Variants in XRRA1 observed in about 807,000 individuals in gnomAD.
XRRA1 encodes the protein X-ray radiation resistance-associated protein 1.
In XRRA1, 69 loss-of-function variants were observed where a neutral mutation model predicts 80.2. The observed-to-expected ratio is 0.86, with a 90% confidence interval of 0.71 to 1.05. The LOEUF (loss-of-function observed/expected upper bound fraction) is 1.05. XRRA1 is among the 50% of genes least tolerant of loss of function. XRRA1 has a pLI of 0.00. For missense variants in XRRA1, 967 were observed against 976.4 expected (o/e 0.99, Z 0.13); for synonymous variants, 348 against 389.9 (o/e 0.89, Z 1.27).
chr11:74,924,507 T>C (rs1156441001), intron 7 of XRRA1, among the ~76,000 whole-genome samples: 3 of 149,982 alleles, frequency 2.0e-5, no homozygotes, highest in Non-Finnish European at 4.4e-5. Context: ...GTGTGTTTCA[T>C]GTGCAAATTA....
At chr11:74,930,593 C>T (rs1591520781) in intron 5 of XRRA1, among the ~76,000 whole-genome samples, 1 of 152,276 alleles carries the variant, frequency 6.6e-6, no homozygotes, top group East Asian at 1.9e-4. Flanking sequence ...CGGAATGACA[C>T]TCTGAAGACC....
intron 10 of XRRA1, among the ~76,000 whole-genome samples, chr11:74,873,311 G>A (rs1319585509): frequency 2.6e-5 from 4 of 152,134 alleles, no homozygotes; most frequent in Non-Finnish European, 5.9e-5. Context: ...GGAGAATGGA[G>A]ACTAGATCAG....
At chr11:74,855,688 CACA>C (rs1391909464) in intron 12 of XRRA1, among the ~76,000 whole-genome samples, 2 of 152,194 alleles carry the variant, frequency 1.3e-5, no homozygotes, top group African/African-American at 2.4e-5. Context: ...TTACTTTTGA[CACA>C]ACAATTTCTA....
intron 2 of XRRA1, among the ~76,000 whole-genome samples, chr11:74,942,750 T>C (rs957679244): frequency 6.6e-6 from 1 of 152,352 alleles, no homozygotes. Flanking sequence ...ACCTACTTCA[T>C]AGGGCTGTTT....
rs903045328 is a variant in XRRA1 at position 74,949,039 on chromosome 11, G to C, written c.-184C>G. The C allele has an allele frequency of 5.4e-5, 21 of 388,290 alleles. No individual in the cohort carries two copies. The highest frequency in any genetic ancestry group is 4.0e-4 in the African/African-American group (19 of 47,166). 24.1% of individuals were successfully genotyped at this position (388,290 alleles called of 1,614,324 possible). ...GATCTCGGAGCCGCTCCACTGCGGT[G>C]CCTGCCGCTATCTTCCCCACGCCTT... On this transcript the variant is annotated 5_prime_UTR_variant, in exon 1 of 19. Coordinates refer to ENST00000684022, the MANE Select transcript of XRRA1 (RefSeq NM_001378157.1).
At chr11:74,907,370 T>A (rs1256652056) in intron 8 of XRRA1, 97 bp from the exon 9 acceptor site, 5 of 1,510,108 alleles carry the variant, frequency 3.3e-6, no homozygotes, top group South Asian at 2.5e-5. Flanking sequence ...TTAGGAGGAC[T>A]AACCAGCTTA....
At chr11:74,902,869 T>C (rs1391293914) in intron 10 of XRRA1, among the ~76,000 whole-genome samples, 1 of 152,156 alleles carries the variant, frequency 6.6e-6, no homozygotes, top group Non-Finnish European at 1.5e-5. Flanking sequence ...ACAGGGGGAC[T>C]ATAGTCAATA....
chr11:74,852,410 C>T (rs901488925), intron 12 of XRRA1, among the ~76,000 whole-genome samples: 12 of 152,144 alleles, frequency 7.9e-5, no homozygotes, highest in African/African-American at 1.7e-4. Flanking sequence ...ATAATAAGAA[C>T]AAACACATTT....
chr11:74,888,803 G>T (rs955045639), intron 10 of XRRA1, among the ~76,000 whole-genome samples: 1 of 152,194 alleles, frequency 6.6e-6, no homozygotes, highest in Non-Finnish European at 1.5e-5. Flanking sequence ...GGAAGAAAGG[G>T]TATCAGTGAT....
chr11:74,859,319 G>A (rs370561028), intron 11 of XRRA1, 36 bp from the exon 12 acceptor site: 136 of 1,579,220 alleles, frequency 8.6e-5, no homozygotes, highest in Non-Finnish European at 1.0e-4. Flanking sequence ...CAAAGTGCCC[G>A]ATAATAAATA....
At chr11:74,865,694 T>C (rs559818353) in intron 10 of XRRA1, among the ~76,000 whole-genome samples, 104 of 152,300 alleles carry the variant, frequency 6.8e-4, no homozygotes, top group Non-Finnish European at 1.3e-3. Context: ...GATCCCAACA[T>C]GCCCCAGTCT....
intron 7 of XRRA1, 55 bp downstream of exon 7, chr11:74,927,336 T>G (rs1306298759): frequency 1.1e-6 from 1 of 901,158 alleles, no homozygotes; most frequent in African/African-American, 1.7e-5. Flanking sequence ...AGCTCTATGC[T>G]CATTCCTTAC....
chr11:74,932,773 A>G (rs1174435667), intron 5 of XRRA1, among the ~76,000 whole-genome samples: 1 of 152,210 alleles, frequency 6.6e-6, no homozygotes, highest in Non-Finnish European at 1.5e-5. Flanking sequence ...CAAGATGAAT[A>G]TATTTCTAAG....
chr11:74,927,545 T>C (rs1293028061), intron 6 of XRRA1, 57 bp from the exon 7 acceptor site: 9 of 1,179,652 alleles, frequency 7.6e-6, no homozygotes, highest in Non-Finnish European at 1.1e-5. Flanking sequence ...AAGAGAAAGA[T>C]ATTAATAATT....
intron 10 of XRRA1, among the ~76,000 whole-genome samples, chr11:74,892,539 G>C (rs2051053216): frequency 6.6e-6 from 1 of 152,124 alleles, no homozygotes; most frequent in Admixed American, 6.5e-5. Context: ...GGCAACAAAA[G>C]CCAAAATTGA....
intron 11 of XRRA1, among the ~76,000 whole-genome samples, chr11:74,861,222 A>G (rs979219252): frequency 3.0e-4 from 45 of 151,914 alleles, no homozygotes; most frequent in Admixed American, 2.9e-3. Context: ...GGGGTCCCCA[A>G]CCCTCGAGCC....
chr11:74,874,511 A>G (rs1260530597), intron 10 of XRRA1, among the ~76,000 whole-genome samples: 4 of 152,178 alleles, frequency 2.6e-5, no homozygotes, highest in African/African-American at 9.7e-5. Flanking sequence ...AAGAATGGCT[A>G]TCATGCCTCT....
intron 10 of XRRA1, among the ~76,000 whole-genome samples, chr11:74,902,119 A>AT (rs923772135): frequency 3.9e-5 from 6 of 152,202 alleles, no homozygotes; most frequent in Non-Finnish European, 5.9e-5. Context: ...CTGAATAAAC[A>AT]TTTTTCAAAA....
chr11:74,879,886 T>C (rs907787213), intron 10 of XRRA1, among the ~76,000 whole-genome samples: 19 of 152,016 alleles, frequency 1.2e-4, no homozygotes, highest in Non-Finnish European at 2.8e-4. Flanking sequence ...ATTGAGGATT[T>C]TTGCATCAAT....
Sources: gnomAD v4.1 joint callset for allele counts (sites outside exome capture counted in the v4.1 genomes callset) on GRCh38, gnomAD v4.1.1 for gene constraint, MANE v1.5 for transcripts, NCBI Gene and HGNC (gene_info 2026-07-23, HGNC 2026-07-21) for gene names.